The following RAB37 variants were observed in gnomAD, a reference collection of about 807,000 sequenced individuals.
RAB37 encodes the protein ras-related protein Rab-37.
In RAB37, 29 loss-of-function variants were observed where a neutral mutation model predicts 33.1. The ratio of observed to expected loss-of-function variants is 0.88; its 90% CI spans 0.65 to 1.20. The LOEUF is 1.20. Ranked by LOEUF, RAB37 falls within the 50% of genes most tolerant of loss-of-function variation. RAB37 has a pLI of 0.00. For synonymous variants in RAB37, 128 were observed against 119.5 expected (o/e 1.07, Z -0.47); for missense variants, 299 against 301.1 (o/e 0.99, Z 0.05).
intron 1 of RAB37, chr17:74,696,369 G>T: frequency 1.3e-6 from 1 of 758,994 alleles, no homozygotes; most frequent in Non-Finnish European, 2.1e-6. Context: ...TTCCTCAGAT[G>T]ACACAGTCTG....
At chr17:74,715,658 G>C (rs1327658665) in intron 1 of RAB37, among the ~76,000 whole-genome samples, 1 of 152,198 alleles carries the variant, frequency 6.6e-6, no homozygotes, top group Non-Finnish European at 1.5e-5. Context: ...TGTTAGAACT[G>C]CCTGTGGCCA....
At chr17:74,733,010 T>TA (rs1227973768), upstream of RAB37, among the ~76,000 whole-genome samples, 2 of 151,372 alleles carry the variant, frequency 1.3e-5, no homozygotes, top group East Asian at 3.9e-4. Flanking sequence ...CTGGAGGCAA[T>TA]AAGAGGTGTT....
At chr17:74,711,642 C>T (rs1405072704) in intron 1 of RAB37, among the ~76,000 whole-genome samples, 1 of 152,144 alleles carries the variant, frequency 6.6e-6, no homozygotes. Context: ...CATTCCTACA[C>T]AAGAGCCCTC....
At chr17:74,734,377 T>C (rs938840831), upstream of RAB37, among the ~76,000 whole-genome samples, 1 of 152,234 alleles carries the variant, frequency 6.6e-6, no homozygotes, top group Non-Finnish European at 1.5e-5. Flanking sequence ...ATATCTGCAA[T>C]GACCACATTT....
At position 74,671,826 on chromosome 17, in the gene RAB37, C is replaced by T. The variant is rs1260557773; in HGVS notation, c.72+168C>T. Among the ~76,000 whole-genome samples the T allele has an allele frequency of 2.6e-5, 4 of 152,152 alleles. No homozygotes were observed. Among genetic ancestry groups the T allele is most frequent in the Admixed American group, 1.3e-4 (2 of 15,268 alleles). ...CTGTTTCCTGCTCAAAACAGAGATGCGTGAGCTCTTGGGGAAGGGCTGCCG... is the reference window on the plus strand; with the variant it reads ...CTGTTTCCTGCTCAAAACAGAGATGTGTGAGCTCTTGGGGAAGGGCTGCCG... On this transcript the variant is annotated intron_variant, in intron 1 of 7. Transcript: ENST00000340415. This position sits in a 1 kb window ranked among gnomAD's most constrained non-coding sequence, Gnocchi z 5.0.
Position 74,745,563 on chromosome 17 carries a change from C to G in RAB37, c.*152C>G. ...CCTAGCAGGGAGCTATACTCCAACT[C>G]CTACTTGAGTTCCTGCGGTCTCCCC... On this transcript the variant is annotated 3_prime_UTR_variant, in exon 9 of 9. Coordinates refer to ENST00000392613, the MANE Select transcript of RAB37 (RefSeq NM_001006638.3). The surrounding 1 kb of genome is among the most constrained non-coding windows in gnomAD (Gnocchi z 4.5). 1.6e-6 allele frequency: 1 copy of G among 628,700 alleles called. No individual in the cohort carries two copies. Among genetic ancestry groups the G allele is most frequent in the Non-Finnish European group, 2.8e-6 (1 of 351,998 alleles). 38.9% of individuals were successfully genotyped at this position (628,700 alleles called of 1,614,324 possible).
rs572288212 is a variant in RAB37, at chr17:74,729,518, T to G, written c.183+152T>G. 4.5e-5 allele frequency: 30 copies of G among 668,826 alleles called. No individual in the cohort carries two copies. The highest frequency in any genetic ancestry group is 2.7e-6 in the Non-Finnish European group (1 of 366,178). The allele number at this position is 668,826 out of a possible 1,614,324, so 41.4% of individuals were successfully genotyped here. A position where few individuals can be genotyped will look rare whatever the true frequency, so the allele number is the denominator to read the frequency against. ...TGTTCCCCAAGGTGTAGGAGGGTGT[T>G]GGGTGACCAGGAGGGAGGGTATACT... On this transcript the variant is annotated intron_variant, in intron 2 of 7. Coordinates refer to the RAB37 transcript ENST00000340415. This position sits in a 1 kb window ranked among gnomAD's most constrained non-coding sequence, Gnocchi z 4.2.
chr17:74,723,498 C>G (rs2034267656), intron 1 of RAB37, among the ~76,000 whole-genome samples: 1 of 151,318 alleles, frequency 6.6e-6, no homozygotes, highest in Non-Finnish European at 1.5e-5. Context: ...CAAAATGACT[C>G]AAGAAAGAAC....
upstream of RAB37, among the ~76,000 whole-genome samples, chr17:74,735,018 G>GAAGAAAGAAAGAAAGAAAGAAAGAAAGA (rs562187740): frequency 5.6e-4 from 46 of 82,312 alleles, 1 homozygote; most frequent in South Asian, 1.5e-3. Context: ...AGGAAGGAAG[G>GAAGAAAGAAAGAAAGAAAGAAAGAAAGA]AAGAAAGAAA....
intron 1 of RAB37, among the ~76,000 whole-genome samples, chr17:74,722,616 T>C (rs2034256816): frequency 6.6e-6 from 1 of 152,222 alleles, no homozygotes; most frequent in African/African-American, 2.4e-5. Flanking sequence ...TCCAGCCAAG[T>C]TGACACATAA....
chr17:74,698,476 T>C (rs2032726575), intron 1 of RAB37: 1 of 1,613,400 alleles, frequency 6.2e-7, no homozygotes, highest in Non-Finnish European at 8.5e-7. Context: ...CTTCAGGAGC[T>C]TGTGCCTAGA....
intron 1 of RAB37, among the ~76,000 whole-genome samples, chr17:74,727,466 G>T (rs900178722): frequency 2.0e-5 from 3 of 152,222 alleles, no homozygotes; most frequent in Admixed American, 6.5e-5. Context: ...GTATCTGGAG[G>T]GTTGTGCAAG....
At chr17:74,735,222 G>T (rs2034458291), upstream of RAB37, among the ~76,000 whole-genome samples, 1 of 145,222 alleles carries the variant, frequency 6.9e-6, no homozygotes, top group African/African-American at 2.5e-5. Flanking sequence ...GAGGAGAGGG[G>T]AGGGGAGGGA....
At chr17:74,731,192 A>G (rs1286096821) in intron 2 of RAB37, among the ~76,000 whole-genome samples, 2 of 152,222 alleles carry the variant, frequency 1.3e-5, no homozygotes, top group Non-Finnish European at 2.9e-5. Context: ...CCAGGCTACA[A>G]GACACTTGTT....
intron 1 of RAB37, chr17:74,695,746 C>T (rs59859657): frequency 0.018 from 29,715 of 1,614,096 alleles, 1,015 homozygotes; most frequent in African/African-American, 0.11. Flanking sequence ...ATTCCACTTC[C>T]ACCTGGTCAA....
chr17:74,710,852 G>A (rs1598287328), intron 1 of RAB37, among the ~76,000 whole-genome samples: 2 of 151,734 alleles, frequency 1.3e-5, no homozygotes, highest in Admixed American at 6.6e-5. Flanking sequence ...GAGTGACAGA[G>A]CGAGACTCTG....
chr17:74,741,524 T>C (rs550587399), intron 2 of RAB37, among the ~76,000 whole-genome samples: 1 of 148,526 alleles, frequency 6.7e-6, no homozygotes, highest in South Asian at 2.1e-4. Context: ...TGGTGGAGGT[T>C]GCAGTGAGCT....
chr17:74,677,917 G>A (rs981453536), intron 1 of RAB37, among the ~76,000 whole-genome samples: 2 of 152,134 alleles, frequency 1.3e-5, no homozygotes, highest in African/African-American at 4.8e-5. Context: ...GTGAGAAAAT[G>A]TCTGAGACTC....
At chr17:74,714,121 G>A (rs2034117778) in intron 1 of RAB37, among the ~76,000 whole-genome samples, 2 of 151,976 alleles carry the variant, frequency 1.3e-5, no homozygotes, top group Admixed American at 1.3e-4. Flanking sequence ...CGAGGTAGGA[G>A]AATCACTTGA....
Sources: allele counts gnomAD v4.1 joint callset (sites outside exome capture counted in the v4.1 genomes callset), GRCh38; gene constraint gnomAD v4.1.1; non-coding constraint Gnocchi (gnomAD v3.1); transcripts MANE v1.5; gene names NCBI Gene and HGNC (gene_info 2026-07-23, HGNC 2026-07-21).